Variants in NKAIN2 observed in about 807,000 individuals in gnomAD.
The protein encoded by NKAIN2 is sodium/potassium transporting ATPase interacting 2.
NKAIN2 carries 14 observed loss-of-function variants against 32.6 expected under a neutral mutation model. The observed-to-expected ratio is 0.43, with a 90% confidence interval of 0.28 to 0.67. NKAIN2 has a LOEUF of 0.67. NKAIN2 is among the 30% of genes least tolerant of loss of function. NKAIN2 has a pLI of 0.17. For synonymous variants in NKAIN2, 80 were observed against 87.2 expected (o/e 0.92, Z 0.46); for missense variants, 198 against 258.3 (o/e 0.77, Z 1.60).
chr6:124,153,886 T>C (rs1426259149), intron 1 of NKAIN2, among the ~76,000 whole-genome samples: 1 of 151,548 alleles, frequency 6.6e-6, no homozygotes, highest in African/African-American at 2.4e-5. Context: ...AGTGGGTACT[T>C]GTTTTCTTTC....
chr6:124,383,338 G>A (rs986370397), intron 3 of NKAIN2, among the ~76,000 whole-genome samples: 7 of 152,132 alleles, frequency 4.6e-5, no homozygotes, highest in African/African-American at 1.7e-4. Flanking sequence ...ACTGGAAACA[G>A]GGTGATCTTT....
At chr6:123,814,635 T>C (rs960460229) in intron 1 of NKAIN2, among the ~76,000 whole-genome samples, 3 of 152,208 alleles carry the variant, frequency 2.0e-5, no homozygotes, top group Admixed American at 2.0e-4. Flanking sequence ...GTTAAGTACC[T>C]TAAACTCATG....
At chr6:124,089,104 A>T (rs1396747111) in intron 1 of NKAIN2, among the ~76,000 whole-genome samples, 1 of 152,050 alleles carries the variant, frequency 6.6e-6, no homozygotes, top group African/African-American at 2.4e-5. Flanking sequence ...GATAAAGTCA[A>T]TCACCATTGA....
intron 5 of NKAIN2, among the ~76,000 whole-genome samples, chr6:124,806,770 C>G (rs1780585575): frequency 6.9e-6 from 1 of 145,720 alleles, no homozygotes; most frequent in South Asian, 2.3e-4. Flanking sequence ...CACACATAGG[C>G]TCAAAATAAA....
chr6:124,337,187 A>G (rs1347636815), intron 2 of NKAIN2, among the ~76,000 whole-genome samples: 2 of 152,146 alleles, frequency 1.3e-5, no homozygotes, highest in Admixed American at 6.5e-5. Context: ...CACTCTCCAA[A>G]TGAGCATTTG....
At chr6:124,443,798 A>T (rs965419158) in intron 3 of NKAIN2, among the ~76,000 whole-genome samples, 1 of 152,106 alleles carries the variant, frequency 6.6e-6, no homozygotes, top group Non-Finnish European at 1.5e-5. Flanking sequence ...GTAAATGATC[A>T]TAGCTGTGAG....
At chr6:124,131,511 C>T (rs1471632754) in intron 1 of NKAIN2, among the ~76,000 whole-genome samples, 1 of 152,076 alleles carries the variant, frequency 6.6e-6, no homozygotes, top group African/African-American at 2.4e-5. Context: ...GAAAGAAATG[C>T]CATGCTACTG....
intron 1 of NKAIN2, among the ~76,000 whole-genome samples, chr6:124,105,437 G>A (rs1049101438): frequency 1.2e-4 from 19 of 152,108 alleles, no homozygotes; most frequent in Non-Finnish European, 2.4e-4. Flanking sequence ...GCAGGAACAA[G>A]GGCCTGTGCA....
intron 1 of NKAIN2, among the ~76,000 whole-genome samples, chr6:124,231,437 G>A (rs1792457208): frequency 1.3e-5 from 2 of 152,142 alleles, no homozygotes; most frequent in Admixed American, 1.3e-4. Flanking sequence ...GTAAAGACAT[G>A]AGATTTGGGA....
chr6:124,171,991 T>C (rs539038905), intron 1 of NKAIN2, among the ~76,000 whole-genome samples: 12 of 151,956 alleles, frequency 7.9e-5, no homozygotes, highest in Non-Finnish European at 1.6e-4. Flanking sequence ...TTTTTGTATT[T>C]TTAGTAGAGA....
chr6:124,134,016 G>A (rs1786608244), intron 1 of NKAIN2, among the ~76,000 whole-genome samples: 1 of 151,676 alleles, frequency 6.6e-6, no homozygotes, highest in East Asian at 1.9e-4. Flanking sequence ...CCCAGCAACT[G>A]ATCTAAACGA....
Position 124,133,426 on chromosome 6 carries a change from T to A in NKAIN2, c.55-149579T>A, listed in dbSNP as rs778252198. Among the ~76,000 whole-genome samples, 53 of 152,020 alleles carry A rather than the reference T, an allele frequency of 3.5e-4. 1 individual carries two copies. The highest frequency in any genetic ancestry group is 7.9e-4 in the Admixed American group (12 of 15,262). On this transcript the variant is annotated intron_variant, in intron 1 of 6. Coordinates refer to ENST00000368417, the MANE Select transcript of NKAIN2 (RefSeq NM_001040214.3). ...TCCCACTCTTCACTCTGATAGAACC[T>A]CAGCACATCTAATTGAGAGCTCCCC...
intron 3 of NKAIN2, among the ~76,000 whole-genome samples, chr6:124,531,908 C>A (rs934039793): frequency 5.3e-5 from 8 of 152,230 alleles, no homozygotes; most frequent in African/African-American, 1.9e-4. Flanking sequence ...TGGCCTCAGG[C>A]AATACACCTG....
At chr6:124,815,225 CATAT>C (rs56841213) in intron 5 of NKAIN2, among the ~76,000 whole-genome samples, 16 of 136,992 alleles carry the variant, frequency 1.2e-4, no homozygotes, top group South Asian at 2.4e-4. Context: ...TATATATATA[CATAT>C]ATATATATAT....
intron 4 of NKAIN2, among the ~76,000 whole-genome samples, chr6:124,674,023 A>AT (rs1562317615): frequency 6.6e-6 from 1 of 151,802 alleles, no homozygotes; most frequent in African/African-American, 2.4e-5. Flanking sequence ...CCTTTCTTCC[A>AT]TTTTGATTTG....
At chr6:124,023,775 A>C (rs748478560) in intron 1 of NKAIN2, among the ~76,000 whole-genome samples, 3 of 152,154 alleles carry the variant, frequency 2.0e-5, no homozygotes, top group Non-Finnish European at 4.4e-5. Flanking sequence ...TTGTATATTC[A>C]TATTACATTT....
At chr6:124,208,695 T>A (rs1315107415) in intron 1 of NKAIN2, among the ~76,000 whole-genome samples, 2 of 151,540 alleles carry the variant, frequency 1.3e-5, no homozygotes, top group Non-Finnish European at 3.0e-5. Flanking sequence ...ATTGTATTTT[T>A]CTGGTTTTCT....
chr6:124,353,526 G>A (rs147059049), intron 2 of NKAIN2, among the ~76,000 whole-genome samples: 364 of 152,258 alleles, frequency 2.4e-3, no homozygotes, highest in African/African-American at 8.4e-3. Context: ...AGGCCGAGAC[G>A]GGCAGATCAC....
chr6:124,111,620 T>C (rs1212442114), intron 1 of NKAIN2, among the ~76,000 whole-genome samples: 1 of 152,076 alleles, frequency 6.6e-6, no homozygotes, highest in Non-Finnish European at 1.5e-5. Flanking sequence ...TTTTAATCTG[T>C]TCAGTCACTC....
Sources: allele counts gnomAD v4.1 joint callset (sites outside exome capture counted in the v4.1 genomes callset), GRCh38; gene constraint gnomAD v4.1.1; transcripts MANE v1.5; gene names NCBI Gene and HGNC (gene_info 2026-07-23, HGNC 2026-07-21).